Variants in CSMD2 observed in about 807,000 individuals in gnomAD.
CSMD2 encodes CUB and Sushi multiple domains 2.
CSMD2 carries 130 observed loss-of-function variants against 398.5 expected under a neutral mutation model. The observed-to-expected ratio is 0.33, with a 90% confidence interval of 0.28 to 0.38. The LOEUF (loss-of-function observed/expected upper bound fraction) is 0.38, where lower values mean the gene tolerates loss of function less well. Among genes scored for constraint, CSMD2 ranks in the 10% least tolerant of loss-of-function variants. CSMD2 has a pLI of 1.00. For synonymous variants in CSMD2, 1,828 were observed against 1,908.5 expected (o/e 0.96, Z 1.10); for missense variants, 3,829 against 4,764.9 (o/e 0.80, Z 5.78).
At chr1:33,651,117 C>G (rs1401978566) in intron 28 of CSMD2, among the ~76,000 whole-genome samples, 2 of 152,100 alleles carry the variant, frequency 1.3e-5, no homozygotes, top group East Asian at 1.9e-4. Flanking sequence ...TGACAGCTAG[C>G]TAAGGGAGAG....
chr1:33,735,170 T>C (rs1326336951), intron 15 of CSMD2, among the ~76,000 whole-genome samples: 1 of 152,150 alleles, frequency 6.6e-6, no homozygotes, highest in African/African-American at 2.4e-5. Flanking sequence ...TCAAGAAAAA[T>C]ACAGTAACAG....
chr1:33,777,629 T>C (rs1353320851), intron 12 of CSMD2, among the ~76,000 whole-genome samples: 3 of 152,222 alleles, frequency 2.0e-5, no homozygotes, highest in South Asian at 4.1e-4. Context: ...TTTCCTGTTA[T>C]CTGGTTTAAT....
At chr1:34,063,125 T>C (rs2148270006) in intron 2 of CSMD2, among the ~76,000 whole-genome samples, 1 of 152,310 alleles carries the variant, frequency 6.6e-6, no homozygotes, top group East Asian at 1.9e-4. Context: ...CACCTGATCC[T>C]TCCCACAGCA....
At chr1:34,023,423 CT>C (rs1255644120) in intron 3 of CSMD2, among the ~76,000 whole-genome samples, 1 of 152,198 alleles carries the variant, frequency 6.6e-6, no homozygotes, top group Non-Finnish European at 1.5e-5. Flanking sequence ...AGAGTAGCCA[CT>C]TTTGTGTTGT....
intron 13 of CSMD2, among the ~76,000 whole-genome samples, chr1:33,771,280 C>A (rs1651222870): frequency 1.3e-5 from 2 of 152,194 alleles, no homozygotes; most frequent in African/African-American, 2.4e-5. Context: ...CTGCAATGGG[C>A]AAAGCCTTTG....
In CSMD2 at chr1:34,081,504, A is replaced by G. The variant is rs531811997; in HGVS notation, c.404+7473T>C. Among the ~76,000 whole-genome samples the G allele has an allele frequency of 1.1e-3, 162 of 148,550 alleles. 2 individuals carry two copies. The highest frequency in any genetic ancestry group is 3.7e-3 in the African/African-American group (149 of 40,006). ...GATTGTACTGCCGTGATCTCGGCTC[A>G]CTGCAACCTCCCTGCCTGATTCTCC... On this transcript the variant is annotated intron_variant, in intron 2 of 70. Coordinates refer to ENST00000373381, the MANE Select transcript of CSMD2 (RefSeq NM_001281956.2).
At chr1:33,648,892 G>A (rs640394) in intron 28 of CSMD2, among the ~76,000 whole-genome samples, 8,181 of 151,838 alleles carry the variant, frequency 0.054, 287 homozygotes, top group East Asian at 0.12. Flanking sequence ...TTTTTCTTCC[G>A]TTAATAAAGT....
intron 3 of CSMD2, among the ~76,000 whole-genome samples, chr1:33,987,675 A>T (rs1646407244): frequency 6.6e-6 from 1 of 152,040 alleles, no homozygotes; most frequent in African/African-American, 2.4e-5. Context: ...CAGACCTTCA[A>T]GTGAAATTAA....
At chr1:33,858,059 C>T (rs1639226006) in intron 5 of CSMD2, among the ~76,000 whole-genome samples, 1 of 152,200 alleles carries the variant, frequency 6.6e-6, no homozygotes, top group Non-Finnish European at 1.5e-5. Flanking sequence ...CTGACCACTG[C>T]CTGCCCACCT....
rs776344613 is a variant in CSMD2, at chr1:33,611,167, G to T, written c.6217C>A (p.Arg2073Ser). The change falls in exon 41 of 71, where the codon CGC becomes AGC. Residue 2073 changes from arginine to serine, a missense_variant. By Grantham distance (110) the Arg-to-Ser change is moderately radical (BLOSUM62 -1). Around this residue, in one of 5 missense-constraint regions of CSMD2, gnomAD observed 2,001 missense variants for 2,567.1 expected, o/e 0.78. Coordinates refer to ENST00000373381, the MANE Select transcript of CSMD2 (RefSeq NM_001281956.2). The stretch of plus-strand genomic sequence containing the variant: ...CTTCCACTGAATCTTCCCATCATGC[G>T]GCTGGTCTCATAGGGGCCATTCCGG... ...EIRNGPYETSRMMGRFSGSEL... is the reference protein window; with the variant it reads ...EIRNGPYETSSMMGRFSGSEL... 2 of 1,614,118 alleles carry T rather than the reference G, an allele frequency of 1.2e-6. No homozygotes were observed. Among genetic ancestry groups the T allele is most frequent in the Non-Finnish European group, 1.7e-6 (2 of 1,180,020 alleles).
chr1:33,804,612 G>T, intron 10 of CSMD2: 1 of 691,832 alleles, frequency 1.4e-6, no homozygotes, highest in South Asian at 1.6e-5. Flanking sequence ...AAGGGCAGAG[G>T]CCATATCTAC....
At chr1:34,056,093 C>A (rs1197564660) in intron 2 of CSMD2, among the ~76,000 whole-genome samples, 1 of 152,204 alleles carries the variant, frequency 6.6e-6, no homozygotes, top group Non-Finnish European at 1.5e-5. Context: ...CTGAATATCA[C>A]CGTGGTACAC....
At chr1:34,002,571 A>G (rs886998102) in intron 3 of CSMD2, among the ~76,000 whole-genome samples, 2 of 152,210 alleles carry the variant, frequency 1.3e-5, no homozygotes, top group African/African-American at 4.8e-5. Context: ...TGCTTAATCA[A>G]TGTTAATATT....
chr1:33,882,085 A>G (rs2125176729), intron 5 of CSMD2: 1 of 152,326 alleles, frequency 6.6e-6, no homozygotes, highest in Admixed American at 6.5e-5. Context: ...TAAAAGTGGT[A>G]TCCACATTTC....
chr1:33,976,968 G>C (rs994242485), intron 3 of CSMD2, among the ~76,000 whole-genome samples: 2 of 151,970 alleles, frequency 1.3e-5, no homozygotes, highest in Non-Finnish European at 2.9e-5. Context: ...TGGGATATGG[G>C]GGAGGGTGTA....
intron 3 of CSMD2, among the ~76,000 whole-genome samples, chr1:34,018,988 A>C (rs1026053546): frequency 6.6e-6 from 1 of 152,178 alleles, no homozygotes. Context: ...CTTTTTGTAG[A>C]CTGAAGTCAA....
chr1:33,859,726 A>T (rs955851987), intron 5 of CSMD2, among the ~76,000 whole-genome samples: 4 of 152,212 alleles, frequency 2.6e-5, no homozygotes, highest in African/African-American at 9.6e-5. Context: ...ACACATGCTT[A>T]TGCCAGGTAT....
At chr1:34,145,382 G>T (rs112960075) in intron 1 of CSMD2, among the ~76,000 whole-genome samples, 2,082 of 152,294 alleles carry the variant, frequency 0.014, 42 homozygotes, top group African/African-American at 0.047. Context: ...CTGCTTCTTT[G>T]AGTGGCACCT....
chr1:33,779,312 T>C (rs474655), intron 12 of CSMD2, among the ~76,000 whole-genome samples: 49,774 of 151,968 alleles, frequency 0.33, 9,022 homozygotes, highest in African/African-American at 0.49. Context: ...GATCACAAAG[T>C]CCAGGATCTA....
Sources: gnomAD v4.1 joint callset for allele counts (sites outside exome capture counted in the v4.1 genomes callset) on GRCh38, gnomAD v4.1.1 for gene constraint, gnomAD v4.1.1 regional missense constraint, MANE v1.5 for transcripts, NCBI Gene and HGNC (gene_info 2026-07-23, HGNC 2026-07-21) for gene names.